The following WDR33 variants were observed in gnomAD, a reference collection of about 807,000 sequenced individuals.
WDR33 encodes the protein pre-mRNA 3' end processing protein WDR33.
A neutral mutation model predicts 164.9 loss-of-function variants in WDR33; 47 were observed. The ratio of observed to expected loss-of-function variants is 0.29; its 90% CI spans 0.23 to 0.36. The LOEUF (loss-of-function observed/expected upper bound fraction) is 0.36, where lower values mean the gene tolerates loss of function less well. WDR33 is among the 10% of genes least tolerant of loss of function. WDR33 has a pLI of 1.00. For synonymous variants in WDR33, 505 were observed against 589.0 expected, an observed-to-expected ratio of 0.86 and a Z score of 2.06; for missense variants, 1,137 against 1,754.1, an observed-to-expected ratio of 0.65 and a Z score of 6.28.
intron 7 of WDR33, chr2:127,737,662 G>A: frequency 9.7e-7 from 1 of 1,035,918 alleles, no homozygotes; most frequent in Non-Finnish European, 1.2e-6. Context: ...CATGACTGAA[G>A]CCCCTGGTAA....
intron 21 of WDR33, among the ~76,000 whole-genome samples, chr2:127,707,229 TAAAAA>T (rs200273049): frequency 8.2e-6 from 1 of 122,594 alleles, no homozygotes; most frequent in East Asian, 2.3e-4. Context: ...AGAATATATT[TAAAAA>T]AAAAAAAAAA....
intron 7 of WDR33, among the ~76,000 whole-genome samples, chr2:127,752,356 C>T (rs1353138074): frequency 2.6e-5 from 4 of 151,376 alleles, no homozygotes; most frequent in Non-Finnish European, 4.4e-5. Context: ...TTTGGGAGGC[C>T]GAGGCGGGTG....
In WDR33 at chr2:127,771,008, G is replaced by A. The variant is rs1291780785; in HGVS notation, c.-23-4C>T. 3 of 1,606,406 alleles carry A rather than the reference G, an allele frequency of 1.9e-6. No individual in the cohort carries two copies. Among genetic ancestry groups the A allele is most frequent in the Admixed American group, 1.7e-5 (1 of 58,942 alleles). ...GTGATGTTTTCCTTCTAGGATACTA[G>A]GATAAGGAAAAAGTACTTTCACTAC... On this transcript the variant is annotated splice_polypyrimidine_tract_variant and splice_region_variant and intron_variant, in intron 1 of 21. Coordinates refer to ENST00000322313, the MANE Select transcript of WDR33 (RefSeq NM_018383.5).
chr2:127,719,890 C>T lies in WDR33; in HGVS notation c.2135G>A (p.Gly712Asp). 2 of 1,613,856 alleles carry T rather than the reference C, an allele frequency of 1.2e-6. No homozygotes were observed. The highest frequency in any genetic ancestry group is 8.5e-7 in the Non-Finnish European group (1 of 1,180,002). Residue 712 changes from glycine (G) to aspartate (D), a missense_variant, in exon 16 of 22, where the codon GGC becomes GAC. This residue lies in a region of WDR33 where 867 missense variants were observed against 1,073.0 expected (regional missense o/e 0.81). Coordinates refer to ENST00000322313, the MANE Select transcript of WDR33 (RefSeq NM_018383.5). The surrounding 1 kb of genome is among the most constrained non-coding windows in gnomAD (Gnocchi z 6.5). ...TTGGGGGCCTATGTGACCCTGTGGG[C>T]CAGGTGGACCCTGAGGACCCATATG... The part of the protein sequence containing the change: ...QGHMGPQGPP[G>D]PQGHIGPQGP...
rs758117133 is a variant in WDR33, at chr2:127,719,551, T to G, written c.2474A>C (p.Gln825Pro). The G allele has an allele frequency of 1.8e-5, 29 of 1,613,922 alleles. No homozygotes were observed. Among genetic ancestry groups the G allele is most frequent in the Non-Finnish European group, 2.0e-5 (24 of 1,180,010 alleles). Reference sequence around the variant, plus strand: ...GATCTCCTGAGGACCTCTCATTTCCTGAGGGCCGTGTCCCAGTAGTCCACC... The same window carrying G: ...GATCTCCTGAGGACCTCTCATTTCCGGAGGGCCGTGTCCCAGTAGTCCACC... ...PPGGLLGHGPQEMRGPQEIRG... is the reference protein window; with the variant it reads ...PPGGLLGHGPPEMRGPQEIRG... The change falls in exon 16 of 22, where the codon CAG becomes CCG. Residue 825 changes from glutamine (Q) to proline (P), a missense_variant. Transcript: ENST00000322313. This position sits in a 1 kb window ranked among gnomAD's most constrained non-coding sequence, Gnocchi z 6.5.
At chr2:127,750,548 G>T (rs531019590) in intron 7 of WDR33, among the ~76,000 whole-genome samples, 2 of 148,570 alleles carry the variant, frequency 1.3e-5, no homozygotes, top group East Asian at 4.1e-4. Flanking sequence ...CCGAGAGGCT[G>T]AGGCACTTGA....
intron 7 of WDR33, among the ~76,000 whole-genome samples, chr2:127,746,498 T>C (rs1267016773): frequency 6.6e-6 from 1 of 152,218 alleles, no homozygotes; most frequent in Non-Finnish European, 1.5e-5. Flanking sequence ...CAACAAACAT[T>C]TGCTTCATCC....
chr2:127,762,736 T>C (rs1372893111), intron 7 of WDR33: 9 of 1,066,348 alleles, frequency 8.4e-6, no homozygotes, highest in South Asian at 3.1e-5. Flanking sequence ...CAAACCACAG[T>C]GTCAATATGT....
At chr2:127,774,034 C>G (rs1325472199) in intron 1 of WDR33, among the ~76,000 whole-genome samples, 2 of 150,392 alleles carry the variant, frequency 1.3e-5, no homozygotes, top group East Asian at 3.9e-4. Context: ...AGCCACCACG[C>G]CCAGCCCAAA....
At chr2:127,809,428 C>CTTTTTTTTT (rs70985478) in intron 1 of WDR33, among the ~76,000 whole-genome samples, 5 of 94,616 alleles carry the variant, frequency 5.3e-5, no homozygotes, top group Admixed American at 1.4e-4. Context: ...AGCCAAATTC[C>CTTTTTTTTT]TTTTTTTTTT....
intron 7 of WDR33, among the ~76,000 whole-genome samples, chr2:127,742,671 A>G (rs865778918): frequency 6.6e-6 from 1 of 151,978 alleles, no homozygotes; most frequent in South Asian, 2.1e-4. Context: ...CATGTAAGAA[A>G]AAATAATACT....
rs537561446 is a variant in WDR33, at chr2:127,701,374, A to T, written c.*4949T>A. 2.9e-6 allele frequency: 2 copies of T among 686,402 alleles called. No individual in the cohort carries two copies. Among genetic ancestry groups the T allele is most frequent in the Non-Finnish European group, 4.0e-6 (2 of 494,790 alleles). 42.5% of individuals were successfully genotyped at this position (686,402 alleles called of 1,614,324 possible). ...ACCACGGTACTTGGGGACACCACAA[A>T]AGTCCGCAGAGCAGGCACCGCGGCA... is the stretch of plus-strand genomic sequence containing the variant. On this transcript the variant is annotated 3_prime_UTR_variant, in exon 22 of 22. Coordinates refer to ENST00000322313, the MANE Select transcript of WDR33 (RefSeq NM_018383.5).
At chr2:127,803,384 A>G (rs1689319667) in intron 1 of WDR33, among the ~76,000 whole-genome samples, 1 of 152,144 alleles carries the variant, frequency 6.6e-6, no homozygotes, top group East Asian at 1.9e-4. Flanking sequence ...GTTCGAGACC[A>G]GCCTGGCCAA....
In WDR33 at chr2:127,720,391, A is replaced by G. The variant is rs2105381178; in HGVS notation, c.1672-38T>C. The G allele has an allele frequency of 6.7e-7, 1 of 1,497,192 alleles. No homozygotes were observed. 92.7% of individuals were successfully genotyped at this position (1,497,192 alleles called of 1,614,324 possible). A position where few individuals can be genotyped will look rare whatever the true frequency, so the allele number is the denominator to read the frequency against. On this transcript the variant is annotated intron_variant, in intron 15 of 21. Transcript: ENST00000322313. This position sits in a 1 kb window ranked among gnomAD's most constrained non-coding sequence, Gnocchi z 5.9. Reference sequence around the variant, plus strand: ...AAAGAAAAAAGCATGTTGAATAAACAGGCCAGAGCCCTTGAAGATGACAAT... The same window carrying G: ...AAAGAAAAAAGCATGTTGAATAAACGGGCCAGAGCCCTTGAAGATGACAAT...
intron 1 of WDR33, among the ~76,000 whole-genome samples, chr2:127,806,457 C>T (rs1227118359): frequency 6.6e-6 from 1 of 152,054 alleles, no homozygotes; most frequent in Non-Finnish European, 1.5e-5. Flanking sequence ...ATCTGCTCAC[C>T]TCAGCCTCCC....
chr2:127,807,599 T>C (rs1689485881), intron 1 of WDR33, among the ~76,000 whole-genome samples: 1 of 152,150 alleles, frequency 6.6e-6, no homozygotes, highest in African/African-American at 2.4e-5. Flanking sequence ...CCTCATTAAT[T>C]GGATTTAGCT....
intron 7 of WDR33, chr2:127,737,674 G>C: frequency 1.9e-6 from 2 of 1,050,462 alleles, no homozygotes; most frequent in Non-Finnish European, 2.3e-6. Context: ...CCCTGGTAAG[G>C]AAGAAAACGC....
chr2:127,774,786 C>T (rs938771787), intron 1 of WDR33, among the ~76,000 whole-genome samples: 6 of 151,714 alleles, frequency 4.0e-5, no homozygotes, highest in African/African-American at 1.5e-4. Context: ...GCAGAGATTC[C>T]GCCACTGCAC....
intron 1 of WDR33, among the ~76,000 whole-genome samples, chr2:127,792,571 G>A (rs1398501228): frequency 9.2e-5 from 14 of 152,006 alleles, no homozygotes; most frequent in African/African-American, 2.4e-5. Context: ...GGGAGGCTGA[G>A]GCAGGAGAAT....
Sources: allele counts gnomAD v4.1 joint callset (sites outside exome capture counted in the v4.1 genomes callset), GRCh38; gene constraint gnomAD v4.1.1; regional missense constraint gnomAD v4.1.1; non-coding constraint Gnocchi (gnomAD v3.1); transcripts MANE v1.5; gene names NCBI Gene and HGNC (gene_info 2026-07-23, HGNC 2026-07-21).